The following BTBD10 variants were observed in gnomAD, a reference collection of about 807,000 sequenced individuals.
BTBD10 encodes BTB/POZ domain-containing protein 10.
Under a neutral mutation model 53.2 loss-of-function variants are expected in BTBD10, and 21 were observed. The observed-to-expected ratio is 0.39, with a 90% CI of 0.28 to 0.57. BTBD10 has a LOEUF of 0.57. Ranked by LOEUF, BTBD10 falls within the 20% of genes least tolerant of loss-of-function variation. BTBD10 has a pLI of 0.53. For synonymous variants in BTBD10, 149 were observed against 192.7 expected (o/e 0.77, Z 1.88); for missense variants, 360 against 594.7 (o/e 0.61, Z 4.10).
chr11:13,445,172 C>T lies in BTBD10; in HGVS notation c.-48G>A. ...TACTGCTCTGAAAGCACACATGTAG[C>T]ACCCATAACCTACATAAAAGAGCAG... is the stretch of plus-strand genomic sequence containing the variant. On this transcript the variant is annotated 5_prime_UTR_variant, in exon 2 of 9. Transcript: ENST00000278174. 1 of 1,311,664 alleles carries T rather than the reference C, an allele frequency of 7.6e-7. No homozygotes were observed. Among genetic ancestry groups the T allele is most frequent in the Non-Finnish European group, 1.1e-6 (1 of 907,774 alleles). 81.3% of individuals were successfully genotyped at this position (1,311,664 alleles called of 1,614,324 possible).
rs547138459 is a variant in BTBD10, at chr11:13,416,382, A to T, written c.687+776T>A. ...CAAAAAACAACAACAACAACAAAAA[A>T]AACCCAATAAAAAACTAAAGATGTT... is the stretch of plus-strand genomic sequence containing the variant. On this transcript the variant is annotated intron_variant, in intron 5 of 8. Coordinates refer to ENST00000278174, the MANE Select transcript of BTBD10 (RefSeq NM_032320.7). Among the ~76,000 whole-genome samples the T allele has an allele frequency of 5.3e-5, 8 of 152,228 alleles. No individual in the cohort carries two copies. In the East Asian group the frequency reaches 1.5e-3, roughly 29 times the overall value.
At chr11:13,456,900 C>T (rs1224393063) in intron 1 of BTBD10, among the ~76,000 whole-genome samples, 1 of 152,134 alleles carries the variant, frequency 6.6e-6, no homozygotes, top group African/African-American at 2.4e-5. Context: ...GTGACTCACG[C>T]CTATAATCCT....
chr11:13,439,086 T>C (rs1452311344), intron 2 of BTBD10, among the ~76,000 whole-genome samples: 1 of 151,906 alleles, frequency 6.6e-6, no homozygotes, highest in Non-Finnish European at 1.5e-5. Flanking sequence ...ACCATATAAA[T>C]ACATTAAAAA....
At chr11:13,389,279 C>CT in intron 8 of BTBD10, 138 bp from the exon 9 acceptor site, 1 of 682,074 alleles carries the variant, frequency 1.5e-6, no homozygotes, top group Non-Finnish European at 2.4e-6. Context: ...TTCCATCCAC[C>CT]TACTCATCAG....
intron 2 of BTBD10, among the ~76,000 whole-genome samples, chr11:13,424,884 A>G (rs1485549373): frequency 2.0e-5 from 3 of 152,190 alleles, no homozygotes; most frequent in Non-Finnish European, 4.4e-5. Flanking sequence ...AGCATTTGCA[A>G]AGTAAACACA....
chr11:13,452,063 A>G (rs1474056043), intron 1 of BTBD10, among the ~76,000 whole-genome samples: 1 of 152,208 alleles, frequency 6.6e-6, no homozygotes, highest in African/African-American at 2.4e-5. Context: ...CAATCCATAG[A>G]ATAAAGAGCA....
At chr11:13,417,332 C>T in intron 4 of BTBD10, 72 bp from the exon 5 acceptor site, 2 of 1,114,698 alleles carry the variant, frequency 1.8e-6, no homozygotes, top group Non-Finnish European at 2.5e-6. Context: ...ATTTCATGTA[C>T]AAAAGAAAAA....
At chr11:13,419,990 G>A (rs758265756) in intron 3 of BTBD10, among the ~76,000 whole-genome samples, 3 of 152,032 alleles carry the variant, frequency 2.0e-5, no homozygotes, top group Non-Finnish European at 2.9e-5. Flanking sequence ...ATGTATAGCT[G>A]ACTAATGCTA....
rs536114340 is a variant in BTBD10 at position 13,419,219 on chromosome 11, G to T, written c.584+241C>A. ...CCTGACTTCAATAACTAATATATTT[G>T]CTATTTCTACTGGTACTGCAAAGAA... is the stretch of plus-strand genomic sequence containing the variant. On this transcript the variant is annotated intron_variant, in intron 4 of 8. Coordinates refer to ENST00000278174, the MANE Select transcript of BTBD10 (RefSeq NM_032320.7). 6.1e-4 allele frequency among the ~76,000 whole-genome samples: 92 copies of T among 152,036 alleles called. 2 individuals are homozygous for T. The highest frequency in any genetic ancestry group is 2.2e-3 in the African/African-American group (90 of 41,498).
chr11:13,438,057 C>G (rs1405453381), intron 2 of BTBD10, among the ~76,000 whole-genome samples: 1 of 152,066 alleles, frequency 6.6e-6, no homozygotes, highest in African/African-American at 2.4e-5. Context: ...GTTTCCTCTT[C>G]CACTTTGACA....
intron 8 of BTBD10, among the ~76,000 whole-genome samples, chr11:13,399,626 A>C (rs1949658306): frequency 6.6e-6 from 1 of 152,032 alleles, no homozygotes; most frequent in Admixed American, 6.6e-5. Context: ...AGGCGCTCTG[A>C]TTTTTAGAGT....
chr11:13,388,558 T>G lies in BTBD10; in HGVS notation c.*273A>C. ...CCACTTCTGAAAAGACCTAGCTGTGTGAAAAAGGACCATCCCCCATACAAA... is the reference window on the plus strand; with the variant it reads ...CCACTTCTGAAAAGACCTAGCTGTGGGAAAAAGGACCATCCCCCATACAAA... On this transcript the variant is annotated 3_prime_UTR_variant, in exon 9 of 9. Transcript: ENST00000278174. 3.0e-6 allele frequency: 1 copy of G among 332,090 alleles called. No individual in the cohort carries two copies. Among genetic ancestry groups the G allele is most frequent in the Non-Finnish European group, 5.6e-6 (1 of 179,568 alleles). 20.6% of individuals were successfully genotyped at this position (332,090 alleles called of 1,614,324 possible). A position where few individuals can be genotyped will look rare whatever the true frequency, so the allele number is the denominator to read the frequency against.
In BTBD10 at chr11:13,419,550, G is replaced by A. The variant is rs979546409; in HGVS notation, c.494C>T (p.Thr165Met). 6.8e-6 allele frequency: 11 copies of A among 1,614,070 alleles called. No individual in the cohort carries two copies. Among genetic ancestry groups the A allele is most frequent in the Middle Eastern group, 1.7e-4 (1 of 6,060 alleles). The change falls in exon 4 of 9, where the codon ACG becomes ATG. Residue 165 changes from threonine to methionine, a missense_variant. By Grantham distance (81) the Thr-to-Met change is moderately conservative. Transcript: ENST00000278174. ...CACTATTAGTGTCACTCGTTCTGAC[G>A]TTCTTATATTCCGAGCTCCTTCTTT... ...NAKEGARNIR[T>M]SERVTLIVDN...
rs1197100736 is a variant in BTBD10 at position 13,405,925 on chromosome 11, C to A, written c.809-69G>T. 1.4e-6 allele frequency: 2 copies of A among 1,469,104 alleles called. 1 individual carries two copies. Among genetic ancestry groups the A allele is most frequent in the South Asian group, 2.5e-5 (2 of 78,710 alleles). The allele number at this position is 1,469,104 out of a possible 1,614,324, so 91.0% of individuals were successfully genotyped here. On this transcript the variant is annotated intron_variant, in intron 6 of 8. Coordinates refer to ENST00000278174, the MANE Select transcript of BTBD10 (RefSeq NM_032320.7). ...AAAAGAGTTCTTTTAGAAATATAGA[C>A]TCTTATAACAAGAAAGGCCAGGCAG...
At chr11:13,459,350 G>A (rs981743604) in intron 1 of BTBD10, among the ~76,000 whole-genome samples, 12 of 152,136 alleles carry the variant, frequency 7.9e-5, no homozygotes, top group African/African-American at 2.9e-4. Flanking sequence ...GAGCCACCAT[G>A]CCTGGCTGGC....
intron 2 of BTBD10, among the ~76,000 whole-genome samples, chr11:13,425,432 T>G (rs1950317153): frequency 6.6e-6 from 1 of 151,872 alleles, no homozygotes; most frequent in Non-Finnish European, 1.5e-5. Flanking sequence ...AATCAAAAAT[T>G]ATCAGGCATG....
chr11:13,419,807 A>G (rs1950206343), intron 3 of BTBD10, 62 bp from the exon 4 acceptor site: 1 of 1,324,900 alleles, frequency 7.5e-7, no homozygotes, highest in African/African-American at 1.5e-5. Context: ...AGATTTATAT[A>G]TATCTTTTTA....
chr11:13,413,553 C>T lies in BTBD10; in HGVS notation c.785G>A (p.Ser262Asn), dbSNP rs1381566101. ...ACTGAGATCTCTACATTTAATAGTG[C>T]TATATTCAAAAGAGATACAAAGATA... is the stretch of plus-strand genomic sequence containing the variant. ...CDYLCISFEY[S>N]TIKCRDLSAL... is the part of the protein sequence containing the mutation. The change falls in exon 6 of 9, where the codon AGC becomes AAC. Residue 262 changes from serine to asparagine, a missense_variant. Ser to Asn is a conservative substitution (Grantham distance 46). Around this residue, in one of 6 missense-constraint regions of BTBD10, gnomAD observed 91 missense variants for 171.7 expected, o/e 0.53. Coordinates refer to ENST00000278174, the MANE Select transcript of BTBD10 (RefSeq NM_032320.7). 1.9e-6 allele frequency: 3 copies of T among 1,609,136 alleles called. No individual in the cohort carries two copies. The highest frequency in any genetic ancestry group is 2.5e-6 in the Non-Finnish European group (3 of 1,177,618).
chr11:13,429,480 G>T (rs1249739401), intron 2 of BTBD10, among the ~76,000 whole-genome samples: 1 of 152,030 alleles, frequency 6.6e-6, no homozygotes, highest in South Asian at 2.1e-4. Flanking sequence ...CTCCAGAAAA[G>T]AACTCACATA....
Sources: allele counts gnomAD v4.1 joint callset (sites outside exome capture counted in the v4.1 genomes callset), GRCh38; gene constraint gnomAD v4.1.1; regional missense constraint gnomAD v4.1.1; transcripts MANE v1.5; gene names NCBI Gene and HGNC (gene_info 2026-07-23, HGNC 2026-07-21).